CACNA1D: variants seen among roughly 807,000 people sequenced by gnomAD.
The protein encoded by CACNA1D is voltage-dependent L-type calcium channel subunit alpha-1D.
In CACNA1D, 55 loss-of-function variants were observed where a neutral mutation model predicts 257.1. The ratio of observed to expected loss-of-function variants is 0.21; its 90% CI spans 0.17 to 0.27. The LOEUF (loss-of-function observed/expected upper bound fraction) is 0.27, where lower values mean the gene tolerates loss of function less well. Ranked by LOEUF, CACNA1D falls within the 10% of genes least tolerant of loss-of-function variation. CACNA1D has a pLI of 1.00. For missense variants in CACNA1D, 1,876 were observed against 2,784.0 expected, an observed-to-expected ratio of 0.67 and a Z score of 7.34; for synonymous variants, 980 against 1,014.9, an observed-to-expected ratio of 0.97 and a Z score of 0.65.
At position 53,789,735 on chromosome 3, in the gene CACNA1D, G is replaced by A. The variant is rs1328263345; in HGVS notation, c.4923+2783G>A. 6.6e-6 allele frequency among the ~76,000 whole-genome samples: 1 copy of A among 152,240 alleles called. No homozygotes were observed. ...TGCGGACCTAGGCATGTGCGTGCTT[G>A]TGCTGCGTAGGGTGCAGTCTGTCTG... is the stretch of plus-strand genomic sequence containing the variant. On this transcript the variant is annotated intron_variant, in intron 40 of 47. Transcript: ENST00000350061. This position sits in a 1 kb window ranked among gnomAD's most constrained non-coding sequence, Gnocchi z 4.2.
At chr3:53,642,774 C>G (rs2093974514) in intron 3 of CACNA1D, among the ~76,000 whole-genome samples, 1 of 152,230 alleles carries the variant, frequency 6.6e-6, no homozygotes, top group Non-Finnish European at 1.5e-5. Flanking sequence ...AGGGCCTTGC[C>G]CCACCTGGGT....
intron 3 of CACNA1D, among the ~76,000 whole-genome samples, chr3:53,520,485 G>A (rs377104241): frequency 3.2e-4 from 49 of 152,270 alleles, no homozygotes; most frequent in African/African-American, 1.1e-3. Context: ...TTGGTTTGTG[G>A]CAGGGCATGG....
At position 53,732,957 on chromosome 3, in the gene CACNA1D, C is replaced by G. The variant is rs2095013081; in HGVS notation, c.2616C>G (p.Thr872=). 1 of 1,613,916 alleles carries G rather than the reference C, an allele frequency of 6.2e-7. No homozygotes were observed. The highest frequency in any genetic ancestry group is 8.5e-7 in the Non-Finnish European group (1 of 1,179,838). ...EGSAFFILSK[T]NPIRVGCHKL... ...GCGCTTTCTTCATTCTTAGCAAGACCAACCCGTAAATACTCCCCTTCTAGT... is the reference window on the plus strand; with the variant it reads ...GCGCTTTCTTCATTCTTAGCAAGACGAACCCGTAAATACTCCCCTTCTAGT... Residue 872 remains threonine, a synonymous_variant, in exon 19 of 48, where the codon ACC becomes ACG. Coordinates refer to ENST00000350061, the MANE Select transcript of CACNA1D (RefSeq NM_001128840.3).
chr3:53,564,532 T>G (rs1384987796), intron 3 of CACNA1D, among the ~76,000 whole-genome samples: 6 of 152,218 alleles, frequency 3.9e-5, no homozygotes, highest in Non-Finnish European at 5.9e-5. Flanking sequence ...GTTTTTTCCT[T>G]CTTTGTGGCT....
chr3:53,688,181 T>G (rs552715035), intron 8 of CACNA1D, among the ~76,000 whole-genome samples: 105 of 152,324 alleles, frequency 6.9e-4, no homozygotes, highest in African/African-American at 2.4e-3. Context: ...TGTTGGAAGC[T>G]TCAGTCTCCA....
intron 3 of CACNA1D, among the ~76,000 whole-genome samples, chr3:53,502,468 A>AT (rs562089802): frequency 0.051 from 7,172 of 140,508 alleles, 211 homozygotes; most frequent in Middle Eastern, 0.1. Flanking sequence ...TTCTTTAAAC[A>AT]TTTTTTTTTT....
At chr3:53,629,897 T>C (rs1447577619) in intron 3 of CACNA1D, among the ~76,000 whole-genome samples, 4 of 152,200 alleles carry the variant, frequency 2.6e-5, no homozygotes, top group African/African-American at 4.8e-5. Flanking sequence ...TGACTGACAG[T>C]GTATTTGCAG....
At position 53,712,127 on chromosome 3, in the gene CACNA1D, C is replaced by T. The variant is rs1389542507; in HGVS notation, c.1391-6174C>T. ...TTCTGTCCCCAGAAAAGAAAACACCCCTCCTTGGTTCTGCCTTGCTGAATG... is the reference window on the plus strand; with the variant it reads ...TTCTGTCCCCAGAAAAGAAAACACCTCTCCTTGGTTCTGCCTTGCTGAATG... On this transcript the variant is annotated intron_variant, in intron 9 of 47. Transcript: ENST00000350061. 2.0e-5 allele frequency among the ~76,000 whole-genome samples: 3 copies of T among 152,336 alleles called. No homozygotes were observed. In the East Asian group the frequency reaches 5.8e-4, roughly 29 times the overall value.
chr3:53,498,048 A>AT (rs751067366), intron 2 of CACNA1D, among the ~76,000 whole-genome samples: 3 of 151,770 alleles, frequency 2.0e-5, no homozygotes, highest in South Asian at 2.1e-4. Context: ...ATTACTTTTG[A>AT]TTTTTTTTCT....
chr3:53,572,064 C>G (rs141028482), intron 3 of CACNA1D, among the ~76,000 whole-genome samples: 2 of 152,346 alleles, frequency 1.3e-5, no homozygotes, highest in African/African-American at 4.8e-5. Context: ...TTGCCTGTCT[C>G]TTTCTCTCTT....
intron 4 of CACNA1D, among the ~76,000 whole-genome samples, chr3:53,653,017 G>A (rs985536253): frequency 4.6e-5 from 7 of 152,158 alleles, no homozygotes; most frequent in African/African-American, 1.7e-4. Context: ...TTGGGAGGCC[G>A]AGGTGGGTGG....
intron 45 of CACNA1D, 129 bp downstream of exon 45, chr3:53,805,275 C>A (rs2095556592): frequency 1.2e-6 from 1 of 835,058 alleles, no homozygotes; most frequent in East Asian, 2.5e-5. Context: ...CAAGACCAGC[C>A]CCCAGCCAGA....
At chr3:53,520,899 CT>C (rs796398731) in intron 3 of CACNA1D, among the ~76,000 whole-genome samples, 22,078 of 96,558 alleles carry the variant, frequency 0.23, 1,794 homozygotes, top group African/African-American at 0.29. Flanking sequence ...TCTTTCTTTT[CT>C]TTTCTTTTCT....
intron 30 of CACNA1D, among the ~76,000 whole-genome samples, chr3:53,769,000 C>T (rs2095350951): frequency 6.6e-6 from 1 of 152,238 alleles, no homozygotes. Flanking sequence ...GAGAGGCTGG[C>T]ACATGCTGGC....
chr3:53,547,279 C>G (rs1323545151), intron 3 of CACNA1D, among the ~76,000 whole-genome samples: 1 of 152,114 alleles, frequency 6.6e-6, no homozygotes, highest in Non-Finnish European at 1.5e-5. Flanking sequence ...TGTTCATTGG[C>G]TATTATGAGA....
chr3:53,780,279 G>A, intron 38 of CACNA1D, 151 bp downstream of exon 38: 1 of 693,588 alleles, frequency 1.4e-6, no homozygotes. Context: ...TGCTGGGCTT[G>A]CCGGCTGGCC....
At chr3:53,707,852 G>A (rs1235134668) in intron 9 of CACNA1D, among the ~76,000 whole-genome samples, 1 of 151,868 alleles carries the variant, frequency 6.6e-6, no homozygotes, top group Non-Finnish European at 1.5e-5. Context: ...CTAAAATTCT[G>A]GCCAGAAAAG....
chr3:53,719,203 A>T (rs569284150), intron 10 of CACNA1D, among the ~76,000 whole-genome samples: 1 of 152,340 alleles, frequency 6.6e-6, no homozygotes, highest in South Asian at 2.1e-4. Flanking sequence ...TTTCATAAAA[A>T]TGATGTGTTA....
At chr3:53,724,045 C>A in intron 14 of CACNA1D, 46 bp downstream of exon 14, 1 of 1,439,254 alleles carries the variant, frequency 6.9e-7, no homozygotes, top group Non-Finnish European at 9.8e-7. Flanking sequence ...TGAGCAGCAG[C>A]TAAAACTCCT....
Sources: allele counts gnomAD v4.1 joint callset (sites outside exome capture counted in the v4.1 genomes callset), GRCh38; gene constraint gnomAD v4.1.1; non-coding constraint Gnocchi (gnomAD v3.1); transcripts MANE v1.5; gene names NCBI Gene and HGNC (gene_info 2026-07-23, HGNC 2026-07-21).